ARHGAP44: variants seen among roughly 807,000 people sequenced by gnomAD.
The protein encoded by ARHGAP44 is rho GTPase-activating protein 44.
In ARHGAP44, 43 loss-of-function variants were observed where a neutral mutation model predicts 106.8. The observed-to-expected ratio is 0.40, with a 90% confidence interval of 0.32 to 0.52. The LOEUF (loss-of-function observed/expected upper bound fraction) is 0.52. Ranked by LOEUF, ARHGAP44 falls within the 20% of genes least tolerant of loss-of-function variation. The pLI, the probability that ARHGAP44 is intolerant of heterozygous loss-of-function variation, is 0.48. For missense variants in ARHGAP44, 866 were observed against 1,050.5 expected, an observed-to-expected ratio of 0.82 and a Z score of 2.43; for synonymous variants, 439 against 410.3, an observed-to-expected ratio of 1.07 and a Z score of -0.85.
In ARHGAP44 at chr17:12,991,335, T is replaced by G. The variant is rs1332173022; in HGVS notation, c.*1164T>G. On this transcript the variant is annotated 3_prime_UTR_variant, in exon 21 of 21. Transcript: ENST00000379672. ...ATATACCTATACATGATATAATATT[T>G]GTATATATGAAATCTCTCTATATTT... is the stretch of plus-strand genomic sequence containing the variant. 2 of 153,098 alleles carry G rather than the reference T, an allele frequency of 1.3e-5. No homozygotes were observed. Among genetic ancestry groups the G allele is most frequent in the African/African-American group, 4.8e-5 (2 of 41,480 alleles). The allele number at this position is 153,098 out of a possible 1,614,324, so 9.5% of individuals were successfully genotyped here. A position where few individuals can be genotyped will look rare whatever the true frequency, so the allele number is the denominator to read the frequency against.
At chr17:12,810,898 C>G (rs2034418906) in intron 1 of ARHGAP44, among the ~76,000 whole-genome samples, 2 of 152,170 alleles carry the variant, frequency 1.3e-5, no homozygotes, top group African/African-American at 4.8e-5. Flanking sequence ...CTACCAATAG[C>G]CTCCGGTTGA....
intron 1 of ARHGAP44, 143 bp downstream of exon 1, chr17:12,790,034 G>T: frequency 1.3e-6 from 1 of 743,610 alleles, no homozygotes; most frequent in Non-Finnish European, 2.0e-6. Flanking sequence ...GGCGCCGCTC[G>T]CAGGCGCGAC....
At chr17:12,963,008 T>G (rs2143219689) in intron 16 of ARHGAP44, among the ~76,000 whole-genome samples, 1 of 134,788 alleles carries the variant, frequency 7.4e-6, no homozygotes, top group South Asian at 2.3e-4. Flanking sequence ...ATAGTGCCAT[T>G]GCACTCCAGC....
rs1316923048 is a variant in ARHGAP44 at position 12,990,226 on chromosome 17, C to A, written c.*55C>A. 6.4e-7 allele frequency: 1 copy of A among 1,568,598 alleles called. No individual in the cohort carries two copies. Among genetic ancestry groups the A allele is most frequent in the Admixed American group, 1.7e-5 (1 of 57,910 alleles). The stretch of plus-strand genomic sequence containing the variant: ...ACATACATCACGGGCCCTAGGAACG[C>A]CGCCAGGAGCAGCGTCCATGAGCTT... On this transcript the variant is annotated 3_prime_UTR_variant, in exon 21 of 21. Coordinates refer to ENST00000379672, the MANE Select transcript of ARHGAP44 (RefSeq NM_014859.6).
intron 1 of ARHGAP44, among the ~76,000 whole-genome samples, chr17:12,867,974 G>T (rs1030626067): frequency 6.6e-6 from 1 of 152,162 alleles, no homozygotes; most frequent in African/African-American, 2.4e-5. Context: ...TAACCACAAA[G>T]GTCCCAGAGC....
intron 18 of ARHGAP44, among the ~76,000 whole-genome samples, chr17:12,975,537 G>A (rs577082738): frequency 6.6e-5 from 10 of 151,992 alleles, no homozygotes; most frequent in African/African-American, 1.9e-4. Flanking sequence ...GGTGGCTCAC[G>A]CCTGTAATCC....
intron 14 of ARHGAP44, among the ~76,000 whole-genome samples, chr17:12,956,369 A>G (rs149521465): frequency 2.6e-5 from 4 of 152,316 alleles, no homozygotes; most frequent in Non-Finnish European, 5.9e-5. Flanking sequence ...TGTTGGAAAG[A>G]GGATGAGAAT....
intron 1 of ARHGAP44, among the ~76,000 whole-genome samples, chr17:12,827,791 A>G (rs1881734013): frequency 6.6e-6 from 1 of 152,066 alleles, no homozygotes. Flanking sequence ...ACCTTGATGA[A>G]GTCTCTTACT....
chr17:12,917,690 A>G (rs2037958913), intron 5 of ARHGAP44, among the ~76,000 whole-genome samples: 1 of 152,166 alleles, frequency 6.6e-6, no homozygotes, highest in African/African-American at 2.4e-5. Flanking sequence ...GACACCTAAA[A>G]TTAACCCTCG....
At chr17:12,823,123 A>G (rs552588935) in intron 1 of ARHGAP44, among the ~76,000 whole-genome samples, 3 of 152,280 alleles carry the variant, frequency 2.0e-5, no homozygotes, top group South Asian at 4.1e-4. Flanking sequence ...GATTGTCCTT[A>G]TGATAAAATG....
At chr17:12,850,496 C>T (rs2035707432) in intron 1 of ARHGAP44, among the ~76,000 whole-genome samples, 1 of 152,086 alleles carries the variant, frequency 6.6e-6, no homozygotes, top group Admixed American at 6.5e-5. Context: ...TGTCCATGGG[C>T]AGGGGTCATG....
intron 1 of ARHGAP44, among the ~76,000 whole-genome samples, chr17:12,831,113 G>A (rs773246011): frequency 2.0e-5 from 3 of 152,176 alleles, no homozygotes; most frequent in African/African-American, 2.4e-5. Flanking sequence ...CTATGCTCCA[G>A]AACATGGTCC....
At chr17:12,896,564 G>A (rs1345943969) in intron 3 of ARHGAP44, 53 bp downstream of exon 3, 4 of 1,476,250 alleles carry the variant, frequency 2.7e-6, no homozygotes, top group African/African-American at 2.8e-5. Context: ...TGAGGACAAG[G>A]TTCCTACTCC....
At chr17:12,821,974 T>C (rs1404639459) in intron 1 of ARHGAP44, among the ~76,000 whole-genome samples, 1 of 152,192 alleles carries the variant, frequency 6.6e-6, no homozygotes, top group African/African-American at 2.4e-5. Context: ...AGACCTATAG[T>C]CCTAGTGTTG....
At chr17:12,825,521 G>A (rs940799290) in intron 1 of ARHGAP44, among the ~76,000 whole-genome samples, 1 of 151,848 alleles carries the variant, frequency 6.6e-6, no homozygotes, top group Non-Finnish European at 1.5e-5. Context: ...GAAATCTGCC[G>A]GGCGAGTGGC....
At position 12,949,534 on chromosome 17, in the gene ARHGAP44, A is replaced by G; in HGVS notation, c.974-115A>G. 1 of 950,986 alleles carries G rather than the reference A, an allele frequency of 1.1e-6. No individual in the cohort carries two copies. The highest frequency in any genetic ancestry group is 1.6e-6 in the Non-Finnish European group (1 of 622,610). 58.9% of individuals were successfully genotyped at this position (950,986 alleles called of 1,614,324 possible). On this transcript the variant is annotated intron_variant, in intron 11 of 20. Transcript: ENST00000379672. This position sits in a 1 kb window ranked among gnomAD's most constrained non-coding sequence, Gnocchi z 4.1. ...CATAGGAAGCTACCATTTGCTGTTG[A>G]CATGGTGGTCAGGAGGCCCATCCCC...
At chr17:12,855,426 T>C (rs2035879208) in intron 1 of ARHGAP44, among the ~76,000 whole-genome samples, 1 of 152,194 alleles carries the variant, frequency 6.6e-6, no homozygotes, top group South Asian at 2.1e-4. Flanking sequence ...TTTTTTTCAT[T>C]ACAATTTCTA....
intron 6 of ARHGAP44, among the ~76,000 whole-genome samples, chr17:12,928,662 AC>A (rs2038315383): frequency 6.6e-6 from 1 of 152,186 alleles, no homozygotes; most frequent in Admixed American, 6.5e-5. Flanking sequence ...TGTTTGGAAG[AC>A]AATAGAGAAA....
chr17:12,945,145 G>A (rs986084301), intron 10 of ARHGAP44, among the ~76,000 whole-genome samples: 4 of 152,050 alleles, frequency 2.6e-5, no homozygotes, highest in Non-Finnish European at 5.9e-5. Flanking sequence ...GAGTAGCTGA[G>A]TTTACAGGCA....
Sources: gnomAD v4.1 joint callset for allele counts (sites outside exome capture counted in the v4.1 genomes callset) on GRCh38, gnomAD v4.1.1 for gene constraint, Gnocchi (gnomAD v3.1) non-coding constraint, MANE v1.5 for transcripts, NCBI Gene and HGNC (gene_info 2026-07-23, HGNC 2026-07-21) for gene names.